ESYT3: variants seen among roughly 807,000 people sequenced by gnomAD.
The protein encoded by ESYT3 is extended synaptotagmin-3.
Under a neutral mutation model 111.5 loss-of-function variants are expected in ESYT3, and 101 were observed. The observed-to-expected ratio is 0.91, with a 90% confidence interval of 0.77 to 1.07. The LOEUF (loss-of-function observed/expected upper bound fraction) is 1.07. ESYT3 is among the 50% of genes least tolerant of loss of function. The pLI is 0.00. For missense variants in ESYT3, 1,097 were observed against 1,109.4 expected, an observed-to-expected ratio of 0.99 and a Z score of 0.16; for synonymous variants, 416 against 446.8, an observed-to-expected ratio of 0.93 and a Z score of 0.87.
Position 138,435,044 on chromosome 3 carries a change from C to G in ESYT3, c.246C>G (p.Arg82=), listed in dbSNP as rs749893142. 292 of 1,587,442 alleles carry G rather than the reference C, an allele frequency of 1.8e-4. 3 individuals carry two copies. The highest frequency in any genetic ancestry group is 6.6e-4 in the Middle Eastern group (4 of 6,040). Residue 82 remains arginine (R), a synonymous_variant, in exon 1 of 23, where the codon CGC becomes CGG. Transcript: ENST00000389567. The surrounding 1 kb of genome is among the most constrained non-coding windows in gnomAD (Gnocchi z 4.8). ...WRRNRRGKLG[R]LAAAFEFLDN... Reference sequence around the variant, plus strand: ...GGAACCGCCGCGGGAAGCTTGGGCGCCTGGCCGCCGCCTTCGAATTCCTTG... The same window carrying G: ...GGAACCGCCGCGGGAAGCTTGGGCGGCTGGCCGCCGCCTTCGAATTCCTTG...
Position 138,479,169 on chromosome 3 carries a change from TGTACCAG to T in ESYT3, c.*2316_*2322del, listed in dbSNP as rs2033615658. The T allele has an allele frequency of 6.6e-6, 1 of 151,228 alleles. No homozygotes were observed. The highest frequency in any genetic ancestry group is 2.4e-5 in the African/African-American group (1 of 41,058). 9.4% of individuals were successfully genotyped at this position (151,228 alleles called of 1,614,324 possible). A position where few individuals can be genotyped will look rare whatever the true frequency, so the allele number is the denominator to read the frequency against. On this transcript the variant is annotated 3_prime_UTR_variant, in exon 23 of 23. Transcript: ENST00000389567. ...GATAATATTTCAGCCAGAAGGAAAA[TGTACCAG>T]TAAGGCAGAAATAGCATGTGAGAAG... is the stretch of plus-strand genomic sequence containing the variant.
At chr3:138,481,073 A>AAATC (rs374520221), downstream of ESYT3, 2 of 152,246 alleles carry the variant, frequency 1.3e-5, no homozygotes, top group Admixed American at 6.5e-5. Flanking sequence ...TCACATTAAA[A>AAATC]AATCAATCAA....
chr3:138,435,242 C>T lies in ESYT3; in HGVS notation c.327+117C>T, dbSNP rs2030563472. 9.8e-7 allele frequency: 1 copy of T among 1,019,586 alleles called. No individual in the cohort carries two copies. The highest frequency in any genetic ancestry group is 2.8e-5 in the Admixed American group (1 of 35,854). 63.2% of individuals were successfully genotyped at this position (1,019,586 alleles called of 1,614,324 possible). ...CCGAGGCAGGGCGGGAGCCCGGCGA[C>T]CTGCACACCCCGTTCCCCACCGCTC... On this transcript the variant is annotated intron_variant, in intron 1 of 22. Transcript: ENST00000389567. This position sits in a 1 kb window ranked among gnomAD's most constrained non-coding sequence, Gnocchi z 4.8.
At chr3:138,476,139 A>C in intron 20 of ESYT3, 84 bp from the exon 21 acceptor site, 1 of 872,992 alleles carries the variant, frequency 1.1e-6, no homozygotes, top group Non-Finnish European at 1.9e-6. Flanking sequence ...TTTCTGTTTT[A>C]GTAGGGAAAT....
intron 3 of ESYT3, among the ~76,000 whole-genome samples, chr3:138,455,585 TG>T (rs1391372151): frequency 6.6e-6 from 1 of 151,798 alleles, no homozygotes; most frequent in Non-Finnish European, 1.5e-5. Context: ...AAAGGAGAGG[TG>T]GGAGATATTT....
At chr3:138,467,064 C>G (rs2032964810) in intron 10 of ESYT3, among the ~76,000 whole-genome samples, 1 of 152,128 alleles carries the variant, frequency 6.6e-6, no homozygotes, top group African/African-American at 2.4e-5. Context: ...GACAGACATC[C>G]AAACTACATC....
intron 1 of ESYT3, among the ~76,000 whole-genome samples, chr3:138,450,086 C>T (rs1576431835): frequency 6.6e-6 from 1 of 152,076 alleles, no homozygotes; most frequent in Non-Finnish European, 1.5e-5. Context: ...TAGTGACGAA[C>T]GAATCAATCA....
intron 8 of ESYT3, among the ~76,000 whole-genome samples, chr3:138,463,134 G>A (rs1339873202): frequency 6.6e-6 from 1 of 151,990 alleles, no homozygotes; most frequent in Non-Finnish European, 1.5e-5. Context: ...TTGCTCTGTG[G>A]CCCAGGCTGA....
chr3:138,473,646 C>T lies in ESYT3; in HGVS notation c.2336+12C>T. On this transcript the variant is annotated intron_variant, in intron 19 of 22. Transcript: ENST00000389567. ...ATCAATGGCTGCAGGTAAAGGGATTCTAGGGCCAGGGAGGTCCTTTGGGAG... is the reference window on the plus strand; with the variant it reads ...ATCAATGGCTGCAGGTAAAGGGATTTTAGGGCCAGGGAGGTCCTTTGGGAG... 6.2e-7 allele frequency: 1 copy of T among 1,611,446 alleles called. No individual in the cohort carries two copies. The highest frequency in any genetic ancestry group is 1.3e-5 in the African/African-American group (1 of 74,986).
At chr3:138,459,870 TG>T (rs1345303072) in intron 5 of ESYT3, 74 bp from the exon 6 acceptor site, 3 of 1,307,886 alleles carry the variant, frequency 2.3e-6, no homozygotes, top group African/African-American at 2.9e-5. Context: ...AGGCAGCAGA[TG>T]GCCTCAGCTG....
intron 10 of ESYT3, among the ~76,000 whole-genome samples, chr3:138,466,231 G>C (rs1245793962): frequency 2.6e-5 from 4 of 152,172 alleles, no homozygotes; most frequent in Non-Finnish European, 5.9e-5. Context: ...TGTTAACACC[G>C]CTTATCTCAG....
chr3:138,457,677 G>C, intron 4 of ESYT3, 33 bp downstream of exon 4: 1 of 1,605,878 alleles, frequency 6.2e-7, no homozygotes, highest in Non-Finnish European at 8.5e-7. Context: ...TGGGCTTCGG[G>C]GTGCAGGGGA....
At chr3:138,439,929 C>T (rs1267947005) in intron 1 of ESYT3, among the ~76,000 whole-genome samples, 2 of 152,160 alleles carry the variant, frequency 1.3e-5, no homozygotes, top group Non-Finnish European at 2.9e-5. Flanking sequence ...TGTGTGTCTG[C>T]TGGTGAGGTG....
chr3:138,466,010 C>T (rs1358700152), intron 10 of ESYT3, among the ~76,000 whole-genome samples: 2 of 152,316 alleles, frequency 1.3e-5, no homozygotes, highest in East Asian at 3.9e-4. Flanking sequence ...AGAACACTGG[C>T]TGAATGTTTG....
intron 20 of ESYT3, among the ~76,000 whole-genome samples, chr3:138,475,076 G>C (rs1437144245): frequency 6.6e-6 from 1 of 152,158 alleles, no homozygotes; most frequent in Non-Finnish European, 1.5e-5. Flanking sequence ...GAACTATTAT[G>C]TTCCTTCAAG....
At position 138,478,414 on chromosome 3, in the gene ESYT3, A is replaced by C. The variant is rs551629067; in HGVS notation, c.*1560A>C. 3.3e-5 allele frequency: 5 copies of C among 152,268 alleles called. No individual in the cohort carries two copies. Among genetic ancestry groups the C allele is most frequent in the African/African-American group, 1.2e-4 (5 of 41,542 alleles). 9.4% of individuals were successfully genotyped at this position (152,268 alleles called of 1,614,324 possible). On this transcript the variant is annotated 3_prime_UTR_variant, in exon 23 of 23. Coordinates refer to ENST00000389567, the MANE Select transcript of ESYT3 (RefSeq NM_031913.5). ...ATAATAAAATGGAGCATTGATGCCT[A>C]CCCTGTCTACCTTATGATGGCATTC...
chr3:138,467,584 T>C lies in ESYT3; in HGVS notation c.1193T>C (p.Val398Ala). ...LGSLQICLGD[V>A]MTNRVVDEWF... ...AGCCTGCAGATCTGCCTTGGAGATG[T>C]CATGACCAACAGAGTGGTGGATGAG... Residue 398 changes from valine (V) to alanine (A), a missense_variant, in exon 11 of 23, where the codon GTC (valine) becomes GCC (alanine). Physicochemically the swap from Val to Ala is moderately conservative, Grantham distance 64 (BLOSUM62 0). Coordinates refer to ENST00000389567, the MANE Select transcript of ESYT3 (RefSeq NM_031913.5). The C allele has an allele frequency of 6.2e-7, 1 of 1,614,188 alleles. No individual in the cohort carries two copies. The highest frequency in any genetic ancestry group is 8.5e-7 in the Non-Finnish European group (1 of 1,180,026).
chr3:138,446,023 G>A (rs2031515539), intron 1 of ESYT3, among the ~76,000 whole-genome samples: 1 of 152,146 alleles, frequency 6.6e-6, no homozygotes, highest in African/African-American at 2.4e-5. Flanking sequence ...TGATCACATG[G>A]GTAATCTTGT....
intron 1 of ESYT3, among the ~76,000 whole-genome samples, chr3:138,442,120 T>G (rs989544216): frequency 5.7e-5 from 6 of 104,750 alleles, no homozygotes; most frequent in African/African-American, 8.5e-5. Flanking sequence ...TAAAAATGTG[T>G]TTTTTTTTTT....
Sources: allele counts gnomAD v4.1 joint callset (sites outside exome capture counted in the v4.1 genomes callset), GRCh38; gene constraint gnomAD v4.1.1; non-coding constraint Gnocchi (gnomAD v3.1); transcripts MANE v1.5; gene names NCBI Gene and HGNC (gene_info 2026-07-23, HGNC 2026-07-21).